The following MS4A4E variants were observed in gnomAD, a reference collection of about 807,000 sequenced individuals.
The protein encoded by MS4A4E is membrane spanning 4-domains A4E.
Under a neutral mutation model 13.3 loss-of-function variants are expected in MS4A4E, and 23 were observed. The observed-to-expected ratio is 1.73, with a 90% CI of 1.25 to 2.45. The LOEUF (loss-of-function observed/expected upper bound fraction) is 2.45. Ranked by LOEUF, MS4A4E falls within the 30% of genes most tolerant of loss-of-function variation. The pLI is 0.00. For synonymous variants in MS4A4E, 36 were observed against 45.6 expected (o/e 0.79, Z 0.85); for missense variants, 144 against 131.2 (o/e 1.10, Z -0.48).
chr11:60,214,537 T>C, intron 4 of MS4A4E, 34 bp downstream of exon 4: 1 of 1,451,280 alleles, frequency 6.9e-7, no homozygotes, highest in Non-Finnish European at 9.2e-7. Flanking sequence ...GATTAATCCT[T>C]TCCTTTTGAT....
At chr11:60,234,343 A>G (rs2084453048) in intron 1 of MS4A4E, among the ~76,000 whole-genome samples, 1 of 152,206 alleles carries the variant, frequency 6.6e-6, no homozygotes, top group South Asian at 2.1e-4. Context: ...AGGGTCGTGG[A>G]TGAAATGCTA....
chr11:60,223,855 TG>T (rs200571374), intron 3 of MS4A4E, among the ~76,000 whole-genome samples: 1 of 147,086 alleles, frequency 6.8e-6, no homozygotes, highest in Non-Finnish European at 1.5e-5. Flanking sequence ...GACCTCTCCT[TG>T]TGATTGTGTG....
chr11:60,231,288 G>A (rs1036929284), intron 1 of MS4A4E, among the ~76,000 whole-genome samples: 3 of 151,556 alleles, frequency 2.0e-5, no homozygotes, highest in Admixed American at 1.3e-4. Flanking sequence ...AAAATAAGAA[G>A]TTAAGTATTT....
At position 60,242,949 on chromosome 11, in the gene MS4A4E, T is replaced by C; in HGVS notation, c.-17+9A>G. ...CCGAGAGCCTAGGAAGGCAAGTCCC[T>C]GGACCTACCTTTCTTCAGGCCTGCA... On this transcript the variant is annotated intron_variant, in intron 1 of 8. Coordinates refer to ENST00000651255, the MANE Select transcript of MS4A4E (RefSeq NM_001393391.1). The C allele has an allele frequency of 6.4e-7, 1 of 1,566,246 alleles. No individual in the cohort carries two copies. Among genetic ancestry groups the C allele is most frequent in the Admixed American group, 1.7e-5 (1 of 59,142 alleles).
At chr11:60,206,622 G>A (rs1319095112) in intron 6 of MS4A4E, 1 of 191,768 alleles carries the variant, frequency 5.2e-6, no homozygotes, top group African/African-American at 2.4e-5. Flanking sequence ...GGGTTCTTGT[G>A]TTACAGTCAG....
intron 1 of MS4A4E, among the ~76,000 whole-genome samples, chr11:60,232,321 A>ACACACACACACACACACACACACAC: frequency 6.8e-6 from 1 of 147,322 alleles, no homozygotes; most frequent in Non-Finnish European, 1.5e-5. Context: ...ACACACACAC[A>ACACACACACACACACACACACACAC]CCAAAAATGA....
At position 60,200,436 on chromosome 11, in the gene MS4A4E, G is replaced by C. The variant is rs935569266; in HGVS notation, c.*1107C>G. On this transcript the variant is annotated 3_prime_UTR_variant, in exon 9 of 9. Transcript: ENST00000651255. ...GGTTTTCCTAGGCAGAGGACCCTGC[G>C]GCCTTCCGAGGTGTTTGTGTCCCTG... Among the ~76,000 whole-genome samples, 5 of 152,044 alleles carry C rather than the reference G, an allele frequency of 3.3e-5. No individual in the cohort carries two copies. Among genetic ancestry groups the C allele is most frequent in the Non-Finnish European group, 5.9e-5 (4 of 68,004 alleles).
intron 4 of MS4A4E, chr11:60,213,333 C>A: frequency 6.5e-7 from 1 of 1,529,380 alleles, no homozygotes; most frequent in Non-Finnish European, 8.8e-7. Context: ...CAGATAATTC[C>A]TGTGAGAAGA....
At chr11:60,230,291 C>T (rs980259500) in intron 1 of MS4A4E, among the ~76,000 whole-genome samples, 2 of 152,000 alleles carry the variant, frequency 1.3e-5, no homozygotes, top group African/African-American at 4.8e-5. Context: ...CAATAATATG[C>T]TAGGAGAGAG....
chr11:60,219,862 T>G (rs2084245744), intron 3 of MS4A4E, among the ~76,000 whole-genome samples: 1 of 152,240 alleles, frequency 6.6e-6, no homozygotes, highest in Non-Finnish European at 1.5e-5. Flanking sequence ...TAGGGGCTTA[T>G]GGAGGTCATG....
At position 60,208,216 on chromosome 11, in the gene MS4A4E, CATT is replaced by C. The variant is rs367897511; in HGVS notation, c.483+374_483+376del. On this transcript the variant is annotated intron_variant, in intron 6 of 8. Transcript: ENST00000651255. ...TTGACTTTCAGTTTATAAAAAAACT[CATT>C]ATTCTGGATGGACCTCACCTCTTCA... Among the ~76,000 whole-genome samples, 385 of 152,268 alleles carry C rather than the reference CATT, an allele frequency of 2.5e-3. 1 individual carries two copies. The highest frequency in any genetic ancestry group is 9.1e-3 in the African/African-American group (377 of 41,538).
chr11:60,234,015 G>C (rs1395895351), intron 1 of MS4A4E, among the ~76,000 whole-genome samples: 1 of 152,218 alleles, frequency 6.6e-6, no homozygotes, highest in Non-Finnish European at 1.5e-5. Context: ...ACATAATTCT[G>C]TTTTCTCTGT....
chr11:60,212,402 T>C (rs1030741962), intron 5 of MS4A4E, among the ~76,000 whole-genome samples: 1 of 150,962 alleles, frequency 6.6e-6, no homozygotes, highest in Non-Finnish European at 1.5e-5. Flanking sequence ...CTCCACCTCC[T>C]GGGTTCACGC....
intron 3 of MS4A4E, chr11:60,225,044 A>G (rs1035256442): frequency 6.4e-7 from 1 of 1,568,030 alleles, no homozygotes; most frequent in Admixed American, 1.7e-5. Flanking sequence ...AACACACATC[A>G]TTATTATTCC....
At chr11:60,203,502 A>C (rs1234406711) in intron 8 of MS4A4E, among the ~76,000 whole-genome samples, 2 of 152,206 alleles carry the variant, frequency 1.3e-5, no homozygotes, top group African/African-American at 4.8e-5. Flanking sequence ...TACTCCCAGC[A>C]CTTTGGGAGG....
intron 2 of MS4A4E, 82 bp from the exon 3 acceptor site, chr11:60,228,709 C>A: frequency 1.5e-6 from 1 of 665,990 alleles, no homozygotes; most frequent in Non-Finnish European, 2.7e-6. Flanking sequence ...TAGGTGAATG[C>A]ATAAATAAAC....
intron 3 of MS4A4E, among the ~76,000 whole-genome samples, chr11:60,225,737 A>C (rs2084332831): frequency 6.6e-6 from 1 of 152,138 alleles, no homozygotes; most frequent in Non-Finnish European, 1.5e-5. Context: ...AGTCTACCTT[A>C]AGAAACTGGA....
chr11:60,230,834 T>C (rs1352187549), intron 1 of MS4A4E, among the ~76,000 whole-genome samples: 2 of 152,350 alleles, frequency 1.3e-5, no homozygotes, highest in Admixed American at 1.3e-4. Context: ...GTATTTGAAT[T>C]GATATTCAGA....
At position 60,241,125 on chromosome 11, in the gene MS4A4E, G is replaced by A. The variant is rs1221032450; in HGVS notation, c.-17+1833C>T. On this transcript the variant is annotated intron_variant, in intron 1 of 8. Coordinates refer to ENST00000651255, the MANE Select transcript of MS4A4E (RefSeq NM_001393391.1). Reference sequence around the variant, plus strand: ...TGCAAGCTCCGCCTCCCGGGTTCACGCCATTCTCCTGCCTCAGCCTCCAGA... The same window carrying A: ...TGCAAGCTCCGCCTCCCGGGTTCACACCATTCTCCTGCCTCAGCCTCCAGA... Among the ~76,000 whole-genome samples the A allele has an allele frequency of 5.3e-5, 8 of 152,274 alleles. No individual in the cohort carries two copies. In the South Asian group the frequency reaches 8.3e-4, roughly 16 times the overall value.
Sources: gnomAD v4.1 joint callset for allele counts (sites outside exome capture counted in the v4.1 genomes callset) on GRCh38, gnomAD v4.1.1 for gene constraint, MANE v1.5 for transcripts, NCBI Gene and HGNC (gene_info 2026-07-23, HGNC 2026-07-21) for gene names.